The following RBFOX1 variants were observed in gnomAD, a reference collection of about 807,000 sequenced individuals.
The protein encoded by RBFOX1 is RNA binding protein fox-1 homolog 1.
RBFOX1 carries 8 observed loss-of-function variants against 57.7 expected under a neutral mutation model. That is an observed-to-expected ratio of 0.14 (90% CI 0.08 to 0.25). The LOEUF (loss-of-function observed/expected upper bound fraction) is 0.25. Among genes scored for constraint, RBFOX1 ranks in the 10% least tolerant of loss-of-function variants. The probability of loss-of-function intolerance (pLI) is 1.00; values close to 1 mark genes in which losing one functional copy is unlikely to be tolerated. For synonymous variants in RBFOX1, 326 were observed against 222.4 expected, an observed-to-expected ratio of 1.47 and a Z score of -4.15; for missense variants, 611 against 548.5, an observed-to-expected ratio of 1.11 and a Z score of -1.14.
At chr16:5,718,621 G>C (rs142594920) in intron 3 of RBFOX1, among the ~76,000 whole-genome samples, 1 of 152,158 alleles carries the variant, frequency 6.6e-6, no homozygotes, top group Non-Finnish European at 1.5e-5. Context: ...AAACTTTCTG[G>C]CCTGGCTGGA....
intron 3 of RBFOX1, among the ~76,000 whole-genome samples, chr16:7,047,689 G>T (rs1230011683): frequency 3.4e-5 from 2 of 59,258 alleles, no homozygotes; most frequent in African/African-American, 1.1e-4. Flanking sequence ...TGTACGTTTT[G>T]ATATTTGTTC....
rs146046526 is a variant in RBFOX1, at chr16:7,233,070, A to C, written c.27+180972A>C. 6.6e-3 allele frequency among the ~76,000 whole-genome samples: 1,003 copies of C among 152,202 alleles called. 18 individuals are homozygous for C. Among genetic ancestry groups the C allele is most frequent in the African/African-American group, 0.023 (938 of 41,520 alleles). ...CTTTTGCTTGCTCTTGATGTTCCCA[A>C]CAGCGGCCAAAGAACCCATCTCACA... On this transcript the variant is annotated intron_variant, in intron 4 of 15. Coordinates refer to ENST00000550418, the MANE Select transcript of RBFOX1 (RefSeq NM_018723.4).
chr16:6,261,298 T>C (rs1019565439), intron 1 of RBFOX1, among the ~76,000 whole-genome samples: 2 of 152,226 alleles, frequency 1.3e-5, no homozygotes, highest in Admixed American at 1.3e-4. Flanking sequence ...ATCAGTGTCT[T>C]TGAGTCCTGG....
upstream of RBFOX1, among the ~76,000 whole-genome samples, chr16:6,018,793 A>T (rs1039653673): frequency 4.6e-5 from 7 of 152,082 alleles, no homozygotes; most frequent in Non-Finnish European, 7.4e-5. Context: ...GCTGGTGCTC[A>T]ATGAGTGAGC....
At chr16:6,981,450 A>G (rs1172034720) in intron 3 of RBFOX1, among the ~76,000 whole-genome samples, 1 of 152,216 alleles carries the variant, frequency 6.6e-6, no homozygotes, top group African/African-American at 2.4e-5. Flanking sequence ...GATGCATAGT[A>G]TTCCATGGTG....
At chr16:7,132,606 GAA>G (rs564705391) in intron 4 of RBFOX1, among the ~76,000 whole-genome samples, 5 of 138,924 alleles carry the variant, frequency 3.6e-5, no homozygotes, top group African/African-American at 1.3e-4. Flanking sequence ...TTGTAAAGCT[GAA>G]AAAAAAAAAC....
At chr16:7,556,443 G>A in intron 5 of RBFOX1, among the ~76,000 whole-genome samples, 1 of 152,116 alleles carries the variant, frequency 6.6e-6, no homozygotes. Flanking sequence ...TAAATGTATG[G>A]AACATATTAT....
intron 4 of RBFOX1, among the ~76,000 whole-genome samples, chr16:7,454,147 C>T (rs879919401): frequency 3.9e-5 from 6 of 152,184 alleles, no homozygotes; most frequent in South Asian, 2.1e-4. Flanking sequence ...GCAGGAGAAT[C>T]GCTTGAACTC....
At chr16:6,953,711 T>G (rs2081227455) in intron 3 of RBFOX1, among the ~76,000 whole-genome samples, 1 of 152,192 alleles carries the variant, frequency 6.6e-6, no homozygotes, top group Non-Finnish European at 1.5e-5. Context: ...TATTTACACA[T>G]ACATACATAT....
At chr16:6,025,901 C>A (rs2095182756) in intron 1 of RBFOX1, among the ~76,000 whole-genome samples, 1 of 152,178 alleles carries the variant, frequency 6.6e-6, no homozygotes, top group Admixed American at 6.5e-5. Flanking sequence ...TTATATGTGA[C>A]ATGAACATCA....
intron 3 of RBFOX1, among the ~76,000 whole-genome samples, chr16:6,878,681 C>T (rs919246502): frequency 4.6e-5 from 7 of 152,106 alleles, no homozygotes; most frequent in African/African-American, 1.4e-4. Context: ...GGTAACTCAA[C>T]AGCAAGAAAC....
chr16:7,564,540 CAAAAAAAAAAAAAAA>C (rs5815409), intron 5 of RBFOX1, among the ~76,000 whole-genome samples: 107 of 82,500 alleles, frequency 1.3e-3, no homozygotes, highest in Non-Finnish European at 1.6e-3. Context: ...GACTCCATCT[CAAAAAAAAAAAAAAA>C]AAAAAAAAAA....
At chr16:6,999,323 A>G (rs1488784762) in intron 3 of RBFOX1, among the ~76,000 whole-genome samples, 1 of 150,002 alleles carries the variant, frequency 6.7e-6, no homozygotes, top group Non-Finnish European at 1.5e-5. Flanking sequence ...TCCAAAAGTG[A>G]TGGGATGACA....
chr16:5,943,376 T>C (rs1260104089), intron 4 of RBFOX1, among the ~76,000 whole-genome samples: 1 of 152,162 alleles, frequency 6.6e-6, no homozygotes, highest in East Asian at 1.9e-4. Flanking sequence ...CCAAGCCTTG[T>C]AGGGTTTCCC....
chr16:5,760,189 A>G (rs540084166), intron 3 of RBFOX1, among the ~76,000 whole-genome samples: 44 of 152,248 alleles, frequency 2.9e-4, no homozygotes, highest in Admixed American at 2.1e-3. Flanking sequence ...TCCCAGTTTT[A>G]TCATTGAAAG....
rs1598736934 is a variant in RBFOX1 at position 7,712,426 on chromosome 16, T to G, written c.*1681T>G. On this transcript the variant is annotated 3_prime_UTR_variant, in exon 16 of 16. Transcript: ENST00000550418. ...AAAAAAAATGTGTGATCCAGCTTTC[T>G]CTTGCCATCCTATGTGCATGCCGTA... 2 of 152,652 alleles carry G rather than the reference T, an allele frequency of 1.3e-5. No homozygotes were observed. Among genetic ancestry groups the G allele is most frequent in the African/African-American group, 2.4e-5 (1 of 41,454 alleles). 9.5% of individuals were successfully genotyped at this position (152,652 alleles called of 1,614,324 possible). A position where few individuals can be genotyped will look rare whatever the true frequency, so the allele number is the denominator to read the frequency against.
chr16:6,257,574 C>T (rs2097676096), intron 1 of RBFOX1, among the ~76,000 whole-genome samples: 1 of 152,110 alleles, frequency 6.6e-6, no homozygotes, highest in African/African-American at 2.4e-5. Flanking sequence ...TCCCACTTCC[C>T]ATCCTCCACC....
At chr16:5,918,493 G>GT (rs2058755193) in intron 4 of RBFOX1, among the ~76,000 whole-genome samples, 1 of 152,128 alleles carries the variant, frequency 6.6e-6, no homozygotes, top group African/African-American at 2.4e-5. Flanking sequence ...GTTCCGTATC[G>GT]TAAGTCACCA....
chr16:5,328,573 G>T (rs894585247), intron 1 of RBFOX1, among the ~76,000 whole-genome samples: 2 of 152,206 alleles, frequency 1.3e-5, no homozygotes, highest in Non-Finnish European at 1.5e-5. Context: ...CTTCTTCTGG[G>T]TCATTTGAGT....
Sources: allele counts gnomAD v4.1 joint callset (sites outside exome capture counted in the v4.1 genomes callset), GRCh38; gene constraint gnomAD v4.1.1; transcripts MANE v1.5; gene names NCBI Gene and HGNC (gene_info 2026-07-23, HGNC 2026-07-21).